The following PSMA3 variants were observed in gnomAD, a reference collection of about 807,000 sequenced individuals.
The protein encoded by PSMA3 is proteasome 20S subunit alpha 3.
A neutral mutation model predicts 40.0 loss-of-function variants in PSMA3; 8 were observed. The ratio of observed to expected loss-of-function variants is 0.20; its 90% CI spans 0.12 to 0.36. The LOEUF is 0.36. Among genes scored for constraint, PSMA3 ranks in the 10% least tolerant of loss-of-function variants. The probability of loss-of-function intolerance (pLI) is 1.00; values close to 1 mark genes in which losing one functional copy is unlikely to be tolerated. For synonymous variants in PSMA3, 110 were observed against 100.0 expected, an observed-to-expected ratio of 1.10 and a Z score of -0.59; for missense variants, 219 against 310.6, an observed-to-expected ratio of 0.70 and a Z score of 2.22.
At chr14:58,263,921 G>A (rs550655953) in intron 7 of PSMA3, 151 bp downstream of exon 7, 18 of 652,720 alleles carry the variant, frequency 2.8e-5, no homozygotes, top group South Asian at 2.6e-4. Flanking sequence ...GATAGCTGAT[G>A]AGCTTAAAAA....
chr14:58,264,926 T>C (rs949165505), intron 7 of PSMA3: 1 of 152,214 alleles, frequency 6.6e-6, no homozygotes, highest in Admixed American at 6.5e-5. Flanking sequence ...TCTTTTCCTT[T>C]TGTTTTCATC....
chr14:58,269,374 C>T (rs1239976573), intron 8 of PSMA3, among the ~76,000 whole-genome samples: 2 of 152,022 alleles, frequency 1.3e-5, no homozygotes, highest in Non-Finnish European at 2.9e-5. Flanking sequence ...AAAAAGACTA[C>T]TGCCAAGAAG....
chr14:58,249,330 T>G (rs1427769753), intron 2 of PSMA3, among the ~76,000 whole-genome samples: 1 of 151,732 alleles, frequency 6.6e-6, no homozygotes, highest in Non-Finnish European at 1.5e-5. Flanking sequence ...CAAATGCTAG[T>G]TTCTTATTTT....
chr14:58,247,677 A>G, intron 1 of PSMA3, 73 bp from the exon 2 acceptor site: 1 of 1,016,262 alleles, frequency 9.8e-7, no homozygotes. Flanking sequence ...TGTTTCAGCC[A>G]TTTAGAGGGG....
chr14:58,254,524 T>G (rs1002524165), intron 3 of PSMA3, among the ~76,000 whole-genome samples: 7 of 150,734 alleles, frequency 4.6e-5, no homozygotes, highest in African/African-American at 7.3e-5. Context: ...TTTTAAGAGA[T>G]ATGATCTTGC....
intron 3 of PSMA3, among the ~76,000 whole-genome samples, chr14:58,256,031 G>A (rs893961679): frequency 6.6e-6 from 1 of 151,928 alleles, no homozygotes; most frequent in Non-Finnish European, 1.5e-5. Context: ...ACTAATTTTT[G>A]TATTTTTAGT....
chr14:58,256,526 G>A (rs1005305798), intron 3 of PSMA3, among the ~76,000 whole-genome samples: 9 of 150,036 alleles, frequency 6.0e-5, no homozygotes, highest in Non-Finnish European at 1.5e-5. Context: ...GCAATTCTCT[G>A]CCTCGGCCTC....
rs368712816 is a variant in PSMA3, at chr14:58,244,935, C to T, written c.15C>T (p.Gly5=). The change falls in exon 1 of 11, where the codon GGC becomes GGT. Residue 5 remains glycine, a synonymous_variant. Coordinates refer to ENST00000216455, the MANE Select transcript of PSMA3 (RefSeq NM_002788.4). The stretch of plus-strand genomic sequence containing the variant: ...GGTTTAGCACGATGAGCTCAATCGG[C>T]ACTGGGGTGAGTTCGCTGTCTGTCG... MSSI[G]TGYDLSASTF... 18 of 1,614,080 alleles carry T rather than the reference C, an allele frequency of 1.1e-5. No individual in the cohort carries two copies. The highest frequency in any genetic ancestry group is 6.7e-5 in the African/African-American group (5 of 74,942).
chr14:58,260,686 C>A (rs1055931953), intron 5 of PSMA3, among the ~76,000 whole-genome samples: 1 of 152,164 alleles, frequency 6.6e-6, no homozygotes, highest in Non-Finnish European at 1.5e-5. Context: ...TCTATCGTTA[C>A]TCCTTTCCCT....
chr14:58,263,806 A>G (rs1890352763), intron 7 of PSMA3, 36 bp downstream of exon 7: 1 of 1,571,828 alleles, frequency 6.4e-7, no homozygotes, highest in Non-Finnish European at 8.8e-7. Context: ...CTATGTCGTC[A>G]TCCTAATGCA....
intron 7 of PSMA3, chr14:58,265,835 TGAA>T (rs964651887): frequency 6.6e-6 from 1 of 152,158 alleles, no homozygotes. Context: ...CAACTTAACA[TGAA>T]GAACTGTAAA....
At chr14:58,270,310 G>C (rs2140099065) in intron 8 of PSMA3, 108 bp from the exon 9 acceptor site, 1 of 1,447,698 alleles carries the variant, frequency 6.9e-7, no homozygotes, top group Non-Finnish European at 9.3e-7. Flanking sequence ...TAATTTTATA[G>C]ATACTTTTAT....
At chr14:58,266,308 AATAT>A (rs1890441482) in intron 7 of PSMA3, 4 of 152,226 alleles carry the variant, frequency 2.6e-5, no homozygotes, top group African/African-American at 9.7e-5. Flanking sequence ...AATCTAGTTT[AATAT>A]ATAGTAGTTG....
intron 3 of PSMA3, among the ~76,000 whole-genome samples, chr14:58,255,458 T>C (rs1890121722): frequency 6.6e-6 from 1 of 152,150 alleles, no homozygotes; most frequent in Non-Finnish European, 1.5e-5. Flanking sequence ...CTTGGACATT[T>C]TTCTCCAAAC....
intron 10 of PSMA3, among the ~76,000 whole-genome samples, chr14:58,271,620 C>T (rs539537144): frequency 6.6e-6 from 1 of 152,146 alleles, no homozygotes; most frequent in Non-Finnish European, 1.5e-5. Flanking sequence ...CAGGCATGAA[C>T]ACTGCACCAG....
chr14:58,271,104 AT>A, intron 10 of PSMA3, 106 bp downstream of exon 10: 8 of 621,522 alleles, frequency 1.3e-5, no homozygotes, highest in Non-Finnish European at 2.0e-5. Context: ...CCCATCCCTA[AT>A]TTAAAAAAAA....
In PSMA3 at chr14:58,244,937, C is replaced by A; in HGVS notation, c.17C>A (p.Thr6Asn). The change falls in exon 1 of 11, where the codon ACT becomes AAT. Residue 6 changes from threonine to asparagine, a missense_variant. Transcript: ENST00000216455. MSSIG[T>N]GYDLSASTFS... ...TTTAGCACGATGAGCTCAATCGGCA[C>A]TGGGGTGAGTTCGCTGTCTGTCGGT... 6.2e-7 allele frequency: 1 copy of A among 1,614,176 alleles called. No homozygotes were observed. The highest frequency in any genetic ancestry group is 8.5e-7 in the Non-Finnish European group (1 of 1,180,026).
rs375468352 is a variant in PSMA3 at position 58,267,628 on chromosome 14, A to G, written c.590+108A>G. 7.7e-6 allele frequency: 10 copies of G among 1,299,682 alleles called. No individual in the cohort carries two copies. The East Asian group carries it at 1.2e-4, about 16-fold the overall frequency. 80.5% of individuals were successfully genotyped at this position (1,299,682 alleles called of 1,614,324 possible). A position where few individuals can be genotyped will look rare whatever the true frequency, so the allele number is the denominator to read the frequency against. On this transcript the variant is annotated intron_variant, in intron 8 of 10. Transcript: ENST00000216455. The stretch of plus-strand genomic sequence containing the variant: ...GTTTTCCTGTAAAATAACTTAGTGT[A>G]TAATTTTTAGAAGGTAAATTTAACA...
At position 58,271,865 on chromosome 14, in the gene PSMA3, A is replaced by G. The variant is rs1281697739; in HGVS notation, c.738A>G (p.Glu246=). Reference sequence around the variant, plus strand: ...TCTCTTAACAGGAATCTCTGAAGGAAGAAGATGAATCAGATGATGATAATA... The same window carrying G: ...TCTCTTAACAGGAATCTCTGAAGGAGGAAGATGAATCAGATGATGATAATA... ...AEKYAKESLK[E]EDESDDDNM Residue 246 remains glutamate (E), a synonymous_variant, in exon 11 of 11, where the codon GAA becomes GAG. Transcript: ENST00000216455. 1.3e-6 allele frequency: 2 copies of G among 1,599,416 alleles called. No individual in the cohort carries two copies. Among genetic ancestry groups the G allele is most frequent in the Non-Finnish European group, 1.7e-6 (2 of 1,167,208 alleles).
Sources: allele counts gnomAD v4.1 joint callset (sites outside exome capture counted in the v4.1 genomes callset), GRCh38; gene constraint gnomAD v4.1.1; transcripts MANE v1.5; gene names NCBI Gene and HGNC (gene_info 2026-07-23, HGNC 2026-07-21).